Variants in CDH12 observed in about 807,000 individuals in gnomAD.
The protein encoded by CDH12 is cadherin-12.
Under a neutral mutation model 74.1 loss-of-function variants are expected in CDH12, and 41 were observed. The observed-to-expected ratio is 0.55, with a 90% CI of 0.43 to 0.72. The LOEUF (loss-of-function observed/expected upper bound fraction) is 0.72. CDH12 is among the 30% of genes least tolerant of loss of function. The pLI, the probability that CDH12 is intolerant of heterozygous loss-of-function variation, is 0.00. For synonymous variants in CDH12, 399 were observed against 355.0 expected (o/e 1.12, Z -1.39); for missense variants, 945 against 977.2 (o/e 0.97, Z 0.44).
intron 1 of CDH12, among the ~76,000 whole-genome samples, chr5:22,608,137 G>A (rs1459944659): frequency 1.3e-5 from 2 of 152,166 alleles, no homozygotes; most frequent in Non-Finnish European, 2.9e-5. Flanking sequence ...CCATGTGCCT[G>A]TAAAAGCTGC....
intron 3 of CDH12, among the ~76,000 whole-genome samples, chr5:22,217,801 A>G (rs1205365762): frequency 6.6e-6 from 1 of 151,516 alleles, no homozygotes; most frequent in Non-Finnish European, 1.5e-5. Flanking sequence ...TGCTCAATAG[A>G]AAAAAAATGT....
At chr5:22,623,280 C>T (rs553669701) in intron 1 of CDH12, among the ~76,000 whole-genome samples, 3 of 152,304 alleles carry the variant, frequency 2.0e-5, no homozygotes, top group South Asian at 2.1e-4. Flanking sequence ...TCTCTCACCA[C>T]TCCTATTCAA....
intron 4 of CDH12, among the ~76,000 whole-genome samples, chr5:22,199,766 A>G (rs1750819280): frequency 6.6e-6 from 1 of 152,160 alleles, no homozygotes; most frequent in Admixed American, 6.5e-5. Flanking sequence ...TCCCCCTTGG[A>G]CACTAGTCAC....
At chr5:22,423,170 A>G (rs941163205) in intron 2 of CDH12, among the ~76,000 whole-genome samples, 1 of 148,136 alleles carries the variant, frequency 6.8e-6, no homozygotes, top group African/African-American at 2.5e-5. Flanking sequence ...TTTACACACC[A>G]TTGTTTTTCA....
intron 5 of CDH12, among the ~76,000 whole-genome samples, chr5:22,016,233 GAAAT>G (rs2150156953): frequency 6.6e-6 from 1 of 152,064 alleles, no homozygotes; most frequent in East Asian, 1.9e-4. Flanking sequence ...GTAACAAAAG[GAAAT>G]AAATTAATTA....
At chr5:22,015,721 C>T (rs1328580922) in intron 5 of CDH12, among the ~76,000 whole-genome samples, 2 of 152,122 alleles carry the variant, frequency 1.3e-5, no homozygotes, top group Non-Finnish European at 2.9e-5. Flanking sequence ...TATTCTTCAA[C>T]TTTGTTCTTT....
chr5:22,195,882 T>C (rs965695206), intron 4 of CDH12, among the ~76,000 whole-genome samples: 1 of 152,170 alleles, frequency 6.6e-6, no homozygotes, highest in African/African-American at 2.4e-5. Flanking sequence ...GCATCTCTCC[T>C]CCCTCTCTTT....
chr5:22,596,632 T>C (rs1013778962), intron 1 of CDH12, among the ~76,000 whole-genome samples: 2 of 152,214 alleles, frequency 1.3e-5, no homozygotes, highest in African/African-American at 4.8e-5. Flanking sequence ...TCCAGGGAAG[T>C]GTGATTCATT....
intron 6 of CDH12, chr5:21,882,793 G>A: frequency 1.3e-6 from 2 of 1,573,450 alleles, no homozygotes; most frequent in Non-Finnish European, 1.7e-6. Context: ...GAGCAGAGCT[G>A]GGGAAGTCCC....
chr5:22,222,872 A>G (rs35790631), intron 3 of CDH12, among the ~76,000 whole-genome samples: 64,650 of 151,776 alleles, frequency 0.43, 15,237 homozygotes, highest in Non-Finnish European at 0.53. Flanking sequence ...AAAAATTCCA[A>G]TAAGAACAAG....
In CDH12 at chr5:22,821,697, G is replaced by A. The variant is rs1438769344; in HGVS notation, c.-523+31361C>T. ...AAGGGATGTGAAGGACCTCTTCAAG[G>A]AGAACTACAAACCACTGCTCAATGA... On this transcript the variant is annotated intron_variant, in intron 1 of 14. Coordinates refer to ENST00000382254, the MANE Select transcript of CDH12 (RefSeq NM_004061.5). Among the ~76,000 whole-genome samples, 46 of 151,698 alleles carry A rather than the reference G, an allele frequency of 3.0e-4. 1 individual carries two copies. The South Asian group carries it at 3.6e-3, about 12-fold the overall frequency.
At chr5:22,814,820 T>G in intron 1 of CDH12, among the ~76,000 whole-genome samples, 1 of 152,290 alleles carries the variant, frequency 6.6e-6, no homozygotes, top group African/African-American at 2.4e-5. Context: ...GTACAATGAT[T>G]AATAGATCAT....
chr5:21,828,223 A>G (rs1471287857), intron 8 of CDH12, among the ~76,000 whole-genome samples: 1 of 152,068 alleles, frequency 6.6e-6, no homozygotes, highest in Admixed American at 6.5e-5. Context: ...TCCGGGTTCA[A>G]GCAATTCTCC....
intron 4 of CDH12, chr5:22,151,798 G>C (rs1056293357): frequency 6.6e-6 from 1 of 152,202 alleles, no homozygotes; most frequent in Non-Finnish European, 1.5e-5. Context: ...TAATTACCAA[G>C]ATTTTATTGT....
chr5:22,020,599 T>C (rs140262822), intron 5 of CDH12, among the ~76,000 whole-genome samples: 2,041 of 151,486 alleles, frequency 0.013, 43 homozygotes, highest in African/African-American at 0.046. Flanking sequence ...TCGAGATTCA[T>C]GTCAATTGAT....
Position 22,222,979 on chromosome 5 carries a change from GT to G in CDH12, c.-332-10337del, listed in dbSNP as rs200212714. On this transcript the variant is annotated intron_variant, in intron 3 of 14. Transcript: ENST00000382254. ...CATTTCCAATACTTATATTTAATAT[GT>G]TTTTTTTTCTGATGAACTTGAATTG... Among the ~76,000 whole-genome samples the G allele has an allele frequency of 7.0e-3, 1,057 of 150,758 alleles. 14 individuals are homozygous for G. Among genetic ancestry groups the G allele is most frequent in the African/African-American group, 0.024 (1,005 of 41,154 alleles).
At chr5:22,274,499 AT>A (rs1351834194) in intron 3 of CDH12, among the ~76,000 whole-genome samples, 2 of 152,034 alleles carry the variant, frequency 1.3e-5, no homozygotes, top group African/African-American at 4.8e-5. Context: ...TGGACAATCA[AT>A]TTTTTAAATG....
At chr5:22,183,439 A>C (rs189612011) in intron 4 of CDH12, among the ~76,000 whole-genome samples, 187 of 152,358 alleles carry the variant, frequency 1.2e-3, no homozygotes, top group African/African-American at 4.3e-3. Context: ...TTTGAGTTGT[A>C]AAGTGCATGG....
chr5:22,207,832 C>T (rs1343630446), intron 4 of CDH12, among the ~76,000 whole-genome samples: 1 of 152,174 alleles, frequency 6.6e-6, no homozygotes, highest in Non-Finnish European at 1.5e-5. Flanking sequence ...TCCACGTGTT[C>T]ATTGTTGCTA....
Sources: gnomAD v4.1 joint callset for allele counts (sites outside exome capture counted in the v4.1 genomes callset) on GRCh38, gnomAD v4.1.1 for gene constraint, MANE v1.5 for transcripts, NCBI Gene and HGNC (gene_info 2026-07-23, HGNC 2026-07-21) for gene names.